LRMDA: variants seen among roughly 807,000 people sequenced by gnomAD.
LRMDA encodes leucine rich melanocyte differentiation associated.
In LRMDA, 18 loss-of-function variants were observed where a neutral mutation model predicts 29.8. The observed-to-expected ratio is 0.60, with a 90% confidence interval of 0.42 to 0.90. LRMDA has a LOEUF of 0.90. LRMDA is among the 40% of genes least tolerant of loss of function. LRMDA has a pLI of 0.00. For missense variants in LRMDA, 273 were observed against 273.9 expected, an observed-to-expected ratio of 1.00 and a Z score of 0.02; for synonymous variants, 125 against 109.4, an observed-to-expected ratio of 1.14 and a Z score of -0.89.
chr10:75,594,715 C>A (rs1007981638), intron 2 of LRMDA, among the ~76,000 whole-genome samples: 1 of 152,116 alleles, frequency 6.6e-6, no homozygotes, highest in Non-Finnish European at 1.5e-5. Context: ...TGCGAGACAG[C>A]GTTTGTTAAA....
intron 5 of LRMDA, among the ~76,000 whole-genome samples, chr10:76,087,989 G>GT (rs1384372717): frequency 6.6e-6 from 1 of 152,062 alleles, no homozygotes; most frequent in African/African-American, 2.4e-5. Context: ...TCTGGACAAG[G>GT]TGTACCTATA....
chr10:75,948,165 A>G (rs1450649750), intron 2 of LRMDA, among the ~76,000 whole-genome samples: 5 of 152,154 alleles, frequency 3.3e-5, no homozygotes, highest in African/African-American at 1.2e-4. Flanking sequence ...GTGAGGGTTA[A>G]AGGTGGCTTT....
intron 2 of LRMDA, among the ~76,000 whole-genome samples, chr10:75,818,945 C>T (rs1844109501): frequency 6.6e-6 from 1 of 152,164 alleles, no homozygotes; most frequent in Non-Finnish European, 1.5e-5. Flanking sequence ...GACCCCGTGC[C>T]AGGTACTTGT....
At chr10:76,331,736 T>G (rs562981147) in intron 6 of LRMDA, among the ~76,000 whole-genome samples, 1 of 152,304 alleles carries the variant, frequency 6.6e-6, no homozygotes, top group African/African-American at 2.4e-5. Flanking sequence ...TTGCTAATTA[T>G]GTAAAATGAT....
chr10:76,223,549 G>A (rs1851888741), intron 5 of LRMDA, among the ~76,000 whole-genome samples: 1 of 152,190 alleles, frequency 6.6e-6, no homozygotes, highest in African/African-American at 2.4e-5. Context: ...GGGGTCCTCA[G>A]GAAGTGATTA....
intron 4 of LRMDA, among the ~76,000 whole-genome samples, chr10:76,048,608 A>G (rs1848479975): frequency 6.6e-6 from 1 of 152,200 alleles, no homozygotes; most frequent in Admixed American, 6.5e-5. Context: ...TCAGTATTCC[A>G]TAATCAAGGA....
At chr10:75,682,795 T>C (rs1197099153) in intron 2 of LRMDA, among the ~76,000 whole-genome samples, 1 of 152,156 alleles carries the variant, frequency 6.6e-6, no homozygotes, top group Non-Finnish European at 1.5e-5. Context: ...TGAGCCTGAC[T>C]GTTTGACTCA....
intron 5 of LRMDA, among the ~76,000 whole-genome samples, chr10:76,219,570 C>T (rs916398204): frequency 6.6e-6 from 1 of 152,180 alleles, no homozygotes; most frequent in Admixed American, 6.5e-5. Context: ...AGCTAACTAT[C>T]CTAAATATAT....
At chr10:76,054,499 T>C (rs956571897) in intron 4 of LRMDA, among the ~76,000 whole-genome samples, 2 of 152,148 alleles carry the variant, frequency 1.3e-5, no homozygotes, top group African/African-American at 2.4e-5. Flanking sequence ...AATGACAATG[T>C]GCGGTCTGTT....
intron 2 of LRMDA, among the ~76,000 whole-genome samples, chr10:75,448,284 A>T (rs930974133): frequency 3.9e-5 from 6 of 152,186 alleles, no homozygotes; most frequent in Non-Finnish European, 5.9e-5. Context: ...TTACTGTCCC[A>T]GAATCTTGGG....
intron 2 of LRMDA, among the ~76,000 whole-genome samples, chr10:75,954,716 T>C (rs953218136): frequency 5.9e-5 from 9 of 152,336 alleles, no homozygotes; most frequent in East Asian, 1.9e-4. Flanking sequence ...CCTGGTAAGA[T>C]TGAGAAAGTG....
At chr10:76,440,360 G>C (rs1319074124) in intron 6 of LRMDA, among the ~76,000 whole-genome samples, 1 of 152,186 alleles carries the variant, frequency 6.6e-6, no homozygotes, top group Non-Finnish European at 1.5e-5. Context: ...AATCTTCATA[G>C]TCATGGTTCA....
intron 6 of LRMDA, among the ~76,000 whole-genome samples, chr10:76,471,239 T>C (rs1842614561): frequency 6.6e-6 from 1 of 151,704 alleles, no homozygotes; most frequent in Admixed American, 6.6e-5. Context: ...ATTATATAAA[T>C]AATAAAATGT....
At chr10:76,289,754 A>G (rs922675206) in intron 5 of LRMDA, among the ~76,000 whole-genome samples, 2 of 152,198 alleles carry the variant, frequency 1.3e-5, no homozygotes, top group Non-Finnish European at 2.9e-5. Flanking sequence ...ATGGATCAGT[A>G]ATTGTCCTGA....
chr10:75,599,442 G>T (rs1315460707), intron 2 of LRMDA, among the ~76,000 whole-genome samples: 2 of 152,216 alleles, frequency 1.3e-5, no homozygotes, highest in African/African-American at 4.8e-5. Context: ...GCTGGTGAGG[G>T]CTTTATGGTC....
intron 2 of LRMDA, among the ~76,000 whole-genome samples, chr10:75,560,934 G>T (rs1470264734): frequency 6.6e-6 from 1 of 151,748 alleles, no homozygotes; most frequent in Non-Finnish European, 1.5e-5. Context: ...GATTTGGTTT[G>T]CCAGTATTTT....
At chr10:76,101,926 G>A (rs1849400978) in intron 5 of LRMDA, among the ~76,000 whole-genome samples, 1 of 152,040 alleles carries the variant, frequency 6.6e-6, no homozygotes, top group Non-Finnish European at 1.5e-5. Context: ...AGCCCTTGGG[G>A]AATAACAATC....
chr10:76,510,470 G>T (rs568312660), intron 6 of LRMDA, among the ~76,000 whole-genome samples: 3 of 152,212 alleles, frequency 2.0e-5, no homozygotes, highest in African/African-American at 7.2e-5. Flanking sequence ...GCAGAAAAAT[G>T]AGCCATGATG....
At chr10:76,035,605 ATTT>A (rs1176982500) in intron 2 of LRMDA, among the ~76,000 whole-genome samples, 1 of 152,238 alleles carries the variant, frequency 6.6e-6, no homozygotes, top group African/African-American at 2.4e-5. Flanking sequence ...GACAACTTGA[ATTT>A]GTGTCCAGGG....
Sources: gnomAD v4.1 joint callset for allele counts (sites outside exome capture counted in the v4.1 genomes callset) on GRCh38, gnomAD v4.1.1 for gene constraint, MANE v1.5 for transcripts, NCBI Gene and HGNC (gene_info 2026-07-23, HGNC 2026-07-21) for gene names.